The following FHIP2A variants were observed in gnomAD, a reference collection of about 807,000 sequenced individuals.
FHIP2A encodes the protein family with sequence similarity 160 member B1.
A neutral mutation model predicts 93.5 loss-of-function variants in FHIP2A; 46 were observed. That is an observed-to-expected ratio of 0.49 (90% CI 0.39 to 0.63). The LOEUF (loss-of-function observed/expected upper bound fraction) is 0.63, where lower values mean the gene tolerates loss of function less well. Ranked by LOEUF, FHIP2A falls within the 20% of genes least tolerant of loss-of-function variation. The pLI is 0.00. For missense variants in FHIP2A, 769 were observed against 909.7 expected (o/e 0.85, Z 1.99); for synonymous variants, 332 against 326.5 (o/e 1.02, Z -0.18).
intron 16 of FHIP2A, among the ~76,000 whole-genome samples, chr10:114,874,668 A>G (rs896400954): frequency 6.6e-6 from 1 of 151,962 alleles, no homozygotes; most frequent in African/African-American, 2.4e-5. Flanking sequence ...ATGCCCCGCT[A>G]ATTTTTTGTG....
At chr10:114,873,886 C>G (rs1010376013) in intron 16 of FHIP2A, among the ~76,000 whole-genome samples, 39 of 151,982 alleles carry the variant, frequency 2.6e-4, no homozygotes, top group Non-Finnish European at 5.4e-4. Flanking sequence ...CTAGGATCAG[C>G]CATTTCTCCA....
At position 114,846,632 on chromosome 10, in the gene FHIP2A, T is replaced by G; in HGVS notation, c.1472T>G (p.Val491Gly). The G allele has an allele frequency of 1.2e-6, 2 of 1,611,926 alleles. No homozygotes were observed. Among genetic ancestry groups the G allele is most frequent in the Non-Finnish European group, 1.7e-6 (2 of 1,179,042 alleles). Reference protein sequence around the residue: ...KPNEHILYNLVLRNLEERNYT... With the variant: ...KPNEHILYNLGLRNLEERNYT... ...AATGAGCACATTCTTTACAACTTGG[T>G]CTTGAGAAATCTTGAAGAAAGAAAT... is the stretch of plus-strand genomic sequence containing the variant. The change falls in exon 11 of 17, where the codon GTC (valine) becomes GGC (glycine). Residue 491 changes from valine to glycine, a missense_variant. Val to Gly is a moderately radical substitution (Grantham distance 109, BLOSUM62 -3). Coordinates refer to ENST00000369248, the MANE Select transcript of FHIP2A (RefSeq NM_020940.4).
chr10:114,875,718 G>T (rs974189251), intron 16 of FHIP2A, among the ~76,000 whole-genome samples: 1 of 143,978 alleles, frequency 6.9e-6, no homozygotes, highest in Admixed American at 6.9e-5. Flanking sequence ...GAAAGAGAGA[G>T]AAAGAAAGAA....
intron 1 of FHIP2A, among the ~76,000 whole-genome samples, chr10:114,823,795 G>T (rs997714394): frequency 3.3e-5 from 5 of 152,042 alleles, no homozygotes; most frequent in African/African-American, 9.6e-5. Flanking sequence ...ACCACACCCG[G>T]CCCGAATCAT....
intron 16 of FHIP2A, among the ~76,000 whole-genome samples, chr10:114,893,274 G>A (rs1264690017): frequency 1.3e-5 from 2 of 152,098 alleles, no homozygotes; most frequent in Admixed American, 6.6e-5. Context: ...TTTTAAAATC[G>A]CATATTTCTG....
rs780895896 is a variant in FHIP2A, at chr10:114,855,207, A to G, written c.1814A>G (p.Tyr605Cys). ...CTTTTTTCCCCCTAGTTCCGAGACTACTGTGCTATCTGCTTAAGATGGGAG... is the reference window on the plus strand; with the variant it reads ...CTTTTTTCCCCCTAGTTCCGAGACTGCTGTGCTATCTGCTTAAGATGGGAG... Reference protein sequence around the residue: ...LRDAHRQFRDYCAICLRWEWP... With the variant: ...LRDAHRQFRDCCAICLRWEWP... The change falls in exon 14 of 17, where the codon TAC becomes TGC. Residue 605 changes from tyrosine to cysteine, a missense_variant. Transcript: ENST00000369248. 3.1e-6 allele frequency: 5 copies of G among 1,613,564 alleles called. No homozygotes were observed. The highest frequency in any genetic ancestry group is 4.2e-6 in the Non-Finnish European group (5 of 1,179,770).
chr10:114,868,564 A>AAT (rs760894432), downstream of FHIP2A, among the ~76,000 whole-genome samples: 14 of 151,852 alleles, frequency 9.2e-5, 1 homozygote, highest in South Asian at 6.3e-4. Context: ...AAGTGGGGGG[A>AAT]ATATATATAT....
chr10:114,830,058 T>C (rs2143009793), intron 1 of FHIP2A, among the ~76,000 whole-genome samples: 1 of 152,320 alleles, frequency 6.6e-6, no homozygotes, highest in Admixed American at 6.5e-5. Context: ...TGTATGTCAC[T>C]GAATGTAGGG....
downstream of FHIP2A, among the ~76,000 whole-genome samples, chr10:114,867,274 T>C (rs2083834342): frequency 6.6e-6 from 1 of 151,956 alleles, no homozygotes; most frequent in Non-Finnish European, 1.5e-5. Flanking sequence ...CTGCATCCTA[T>C]TGTATTTGCC....
chr10:114,860,753 A>T lies in FHIP2A; in HGVS notation c.1952A>T (p.Tyr651Phe). 1 of 1,594,790 alleles carries T rather than the reference A, an allele frequency of 6.3e-7. No individual in the cohort carries two copies. The highest frequency in any genetic ancestry group is 8.6e-7 in the Non-Finnish European group (1 of 1,162,454). The change falls in exon 15 of 17, where the codon TAT becomes TTT. Residue 651 changes from tyrosine to phenylalanine, a missense_variant. By Grantham distance (22) the Tyr-to-Phe change is conservative. Coordinates refer to ENST00000369248, the MANE Select transcript of FHIP2A (RefSeq NM_020940.4). ...CTGTTTTTTATCTCTCCATAGCCAT[A>T]TGATGTAAACTTACAAGTAACCTCA... ...DRMGRILDQP[Y>F]DVNLQVTSVL...
At chr10:114,869,065 G>A (rs1401159376), downstream of FHIP2A, among the ~76,000 whole-genome samples, 1 of 152,074 alleles carries the variant, frequency 6.6e-6, no homozygotes, top group Non-Finnish European at 1.5e-5. Flanking sequence ...TTATGAGTAA[G>A]GAATCATAAA....
Position 114,864,623 on chromosome 10 carries a change from A to G in FHIP2A, c.*3083A>G. On this transcript the variant is annotated 3_prime_UTR_variant, in exon 17 of 17. Coordinates refer to ENST00000369248, the MANE Select transcript of FHIP2A (RefSeq NM_020940.4). ...TCATTGTGTACCTACTCTCTCTTCAAAGGAAGTTGTGATCAAGTTCAACTT... is the reference window on the plus strand; with the variant it reads ...TCATTGTGTACCTACTCTCTCTTCAGAGGAAGTTGTGATCAAGTTCAACTT... 1.0e-6 allele frequency: 1 copy of G among 985,800 alleles called. No individual in the cohort carries two copies. Among genetic ancestry groups the G allele is most frequent in the African/African-American group, 1.7e-5 (1 of 57,348 alleles). 61.1% of individuals were successfully genotyped at this position (985,800 alleles called of 1,614,324 possible). A position where few individuals can be genotyped will look rare whatever the true frequency, so the allele number is the denominator to read the frequency against.
chr10:114,865,694 C>T (rs1290516721), downstream of FHIP2A, among the ~76,000 whole-genome samples: 2 of 151,708 alleles, frequency 1.3e-5, no homozygotes, highest in African/African-American at 4.9e-5. Flanking sequence ...AAGAATTTAG[C>T]AGTGTTTTAG....
intron 16 of FHIP2A, among the ~76,000 whole-genome samples, chr10:114,871,133 A>G (rs141459261): frequency 0.012 from 1,774 of 148,946 alleles, 38 homozygotes; most frequent in African/African-American, 0.04. Context: ...TATATTATAT[A>G]TATATACACA....
intron 16 of FHIP2A, among the ~76,000 whole-genome samples, chr10:114,871,959 T>A (rs564426648): frequency 2.0e-5 from 3 of 152,306 alleles, no homozygotes; most frequent in Admixed American, 2.0e-4. Flanking sequence ...TAGAGCCACT[T>A]CCAGTTGGAT....
chr10:114,855,170 A>G lies in FHIP2A; in HGVS notation c.1804-27A>G. Reference sequence around the variant, plus strand: ...CATCTTAATTTGTTTTTGTTCTTTAATGATTCACATGCTTTTTTCCCCCTA... The same window carrying G: ...CATCTTAATTTGTTTTTGTTCTTTAGTGATTCACATGCTTTTTTCCCCCTA... On this transcript the variant is annotated intron_variant, in intron 13 of 16. Coordinates refer to ENST00000369248, the MANE Select transcript of FHIP2A (RefSeq NM_020940.4). 1.9e-6 allele frequency: 3 copies of G among 1,587,376 alleles called. No homozygotes were observed. In the East Asian group the frequency reaches 6.7e-5, roughly 36 times the overall value.
chr10:114,833,537 AAAG>A (rs1207745881), intron 3 of FHIP2A, 135 bp downstream of exon 3: 4 of 851,058 alleles, frequency 4.7e-6, no homozygotes, highest in Non-Finnish European at 7.4e-6. Context: ...ATTGTAGAAA[AAAG>A]AAAATTGTGT....
Position 114,854,869 on chromosome 10 carries a change from GC to G in FHIP2A, c.1804-327del, listed in dbSNP as rs1300261022. On this transcript the variant is annotated intron_variant, in intron 13 of 16. Transcript: ENST00000369248. ...TGAAAACTTGGCTAGGTCTGACTTTGCTTTTTAAATGTCCTCTAAATCGGTG... is the reference window on the plus strand; with the variant it reads ...TGAAAACTTGGCTAGGTCTGACTTTGTTTTTAAATGTCCTCTAAATCGGTG... Among the ~76,000 whole-genome samples the G allele has an allele frequency of 2.0e-5, 3 of 152,296 alleles. No homozygotes were observed. The East Asian group carries it at 5.8e-4, about 29-fold the overall frequency.
Position 114,843,919 on chromosome 10 carries a change from T to C in FHIP2A, c.995T>C (p.Val332Ala). The change falls in exon 7 of 17, where the codon GTG (valine) becomes GCG (alanine). Residue 332 changes from valine (V) to alanine (A), a missense_variant. Transcript: ENST00000369248. ...QSVDPLDIET[V>A]EAINWGLDSY... Reference sequence around the variant, plus strand: ...GTGGATCCGTTAGATATTGAAACCGTGGAAGCAATTAACTGGGGGTAAGCA... The same window carrying C: ...GTGGATCCGTTAGATATTGAAACCGCGGAAGCAATTAACTGGGGGTAAGCA... The C allele has an allele frequency of 1.9e-6, 3 of 1,573,128 alleles. No individual in the cohort carries two copies. Among genetic ancestry groups the C allele is most frequent in the African/African-American group, 2.7e-5 (2 of 73,014 alleles).
Sources: allele counts gnomAD v4.1 joint callset (sites outside exome capture counted in the v4.1 genomes callset), GRCh38; gene constraint gnomAD v4.1.1; transcripts MANE v1.5; gene names NCBI Gene and HGNC (gene_info 2026-07-23, HGNC 2026-07-21).